MAST4: variants seen among roughly 807,000 people sequenced by gnomAD.
The protein encoded by MAST4 is microtubule associated serine/threonine kinase family member 4, also known as microtubule-associated serine/threonine-protein kinase 4.
Under a neutral mutation model 162.7 loss-of-function variants are expected in MAST4, and 89 were observed. That is an observed-to-expected ratio of 0.55 (90% CI 0.46 to 0.65). The LOEUF (loss-of-function observed/expected upper bound fraction) is 0.65. Among genes scored for constraint, MAST4 ranks in the 30% least tolerant of loss-of-function variants. MAST4 has a pLI of 0.00. For missense variants in MAST4, 3,153 were observed against 3,374.0 expected (o/e 0.93, Z 1.62); for synonymous variants, 1,479 against 1,361.1 (o/e 1.09, Z -1.91).
chr5:66,911,057 TTAA>T (rs1238136900), intron 4 of MAST4, among the ~76,000 whole-genome samples: 7 of 152,178 alleles, frequency 4.6e-5, no homozygotes, highest in African/African-American at 1.7e-4. Flanking sequence ...ATGTTTTCTT[TTAA>T]TAAGTTGTTT....
chr5:66,790,733 A>G (rs1409334100), intron 3 of MAST4, among the ~76,000 whole-genome samples: 2 of 152,044 alleles, frequency 1.3e-5, no homozygotes, highest in Admixed American at 6.5e-5. Flanking sequence ...AAAAGATACA[A>G]TTAACCTGAT....
At chr5:66,784,127 T>C (rs1755001882) in intron 2 of MAST4, among the ~76,000 whole-genome samples, 1 of 152,082 alleles carries the variant, frequency 6.6e-6, no homozygotes, top group African/African-American at 2.4e-5. Context: ...CCTGGCTCCT[T>C]GCTTTTCAAC....
chr5:66,899,902 C>A, intron 3 of MAST4, 49 bp from the exon 4 acceptor site: 2 of 1,428,740 alleles, frequency 1.4e-6, no homozygotes, highest in Non-Finnish European at 1.9e-6. Context: ...TCCTAGTAAT[C>A]TAAGGTTAAT....
intron 1 of MAST4, among the ~76,000 whole-genome samples, chr5:66,689,692 A>G (rs1580203678): frequency 6.6e-6 from 1 of 152,276 alleles, no homozygotes; most frequent in South Asian, 2.1e-4. Flanking sequence ...CTGTCCCCAG[A>G]GTTGATAAAT....
chr5:66,931,796 C>A (rs1742225764), intron 4 of MAST4, among the ~76,000 whole-genome samples: 2 of 152,034 alleles, frequency 1.3e-5, no homozygotes, highest in South Asian at 4.2e-4. Context: ...ATCCAGTTTC[C>A]CCAGCGCAGG....
At chr5:66,919,946 TTCCTTCCTTCCTTCCTTCCTTCCTTCC>T (rs879738524) in intron 4 of MAST4, among the ~76,000 whole-genome samples, 1,512 of 140,830 alleles carry the variant, frequency 0.011, 43 homozygotes, top group South Asian at 0.094. Flanking sequence ...CCTTCCTTCC[TTCCTTCCTTCCTTCCTTCCTTCCTTCC>T]TTCTTTCTCT....
At chr5:67,099,868 G>A (rs1764840934) in intron 7 of MAST4, among the ~76,000 whole-genome samples, 1 of 151,720 alleles carries the variant, frequency 6.6e-6, no homozygotes, top group South Asian at 2.1e-4. Flanking sequence ...CCAAAGAAAA[G>A]GAAGAAAGAA....
intron 5 of MAST4, among the ~76,000 whole-genome samples, chr5:67,063,701 T>G (rs1581405390): frequency 6.6e-6 from 1 of 152,310 alleles, no homozygotes; most frequent in East Asian, 1.9e-4. Flanking sequence ...CTGTTTAATT[T>G]TGCTTTTCAA....
At chr5:66,757,992 T>C (rs1284523255) in intron 1 of MAST4, among the ~76,000 whole-genome samples, 1 of 152,084 alleles carries the variant, frequency 6.6e-6, no homozygotes, top group Non-Finnish European at 1.5e-5. Context: ...AGGACACTGA[T>C]GTAATAAACA....
At chr5:66,898,035 T>A (rs1480937790) in intron 3 of MAST4, among the ~76,000 whole-genome samples, 2 of 152,250 alleles carry the variant, frequency 1.3e-5, no homozygotes. Context: ...TTTGTTGTTA[T>A]TAATGATAAC....
chr5:66,617,315 GC>G (rs2149402188), intron 1 of MAST4, among the ~76,000 whole-genome samples: 1 of 152,296 alleles, frequency 6.6e-6, no homozygotes, highest in African/African-American at 2.4e-5. Context: ...GTGCATTATG[GC>G]ATTTAATTCC....
At chr5:66,956,206 G>A (rs577389883) in intron 4 of MAST4, among the ~76,000 whole-genome samples, 14 of 151,990 alleles carry the variant, frequency 9.2e-5, no homozygotes, top group East Asian at 1.9e-4. Flanking sequence ...TCTGACTTTC[G>A]TATCTAGCTT....
At chr5:67,023,911 A>G (rs1008820931) in intron 4 of MAST4, among the ~76,000 whole-genome samples, 43 of 151,956 alleles carry the variant, frequency 2.8e-4, no homozygotes, top group African/African-American at 9.7e-4. Flanking sequence ...ATAGAAAAAA[A>G]TGTTTAATTG....
In MAST4 at chr5:66,596,624, C is replaced by A. The variant is rs752896762; in HGVS notation, c.-32C>A. On this transcript the variant is annotated 5_prime_UTR_variant, in exon 1 of 29. Transcript: ENST00000403625. ...CGCTGAGTGCGCGCCGCGCCCCCGC[C>A]GCTCGGGAGGCACTTTGGGCCAGAC... 1.4e-5 allele frequency: 20 copies of A among 1,399,670 alleles called. No homozygotes were observed. The highest frequency in any genetic ancestry group is 4.5e-5 in the African/African-American group (3 of 67,088). 86.7% of individuals were successfully genotyped at this position (1,399,670 alleles called of 1,614,324 possible).
At chr5:66,723,433 A>C (rs1173298322) in intron 1 of MAST4, among the ~76,000 whole-genome samples, 1 of 152,210 alleles carries the variant, frequency 6.6e-6, no homozygotes. Context: ...TCAGTGCTGT[A>C]GACTATAATT....
At chr5:67,153,121 G>T (rs1772045167) in intron 25 of MAST4, among the ~76,000 whole-genome samples, 1 of 152,170 alleles carries the variant, frequency 6.6e-6, no homozygotes, top group Admixed American at 6.5e-5. Flanking sequence ...CATAGTCAAA[G>T]GCAATCCTAT....
chr5:66,928,607 T>C (rs990546662), intron 4 of MAST4, among the ~76,000 whole-genome samples: 1 of 151,144 alleles, frequency 6.6e-6, no homozygotes, highest in African/African-American at 2.5e-5. Flanking sequence ...TGGGTAAACC[T>C]AGAAACCTCC....
chr5:66,830,009 G>C (rs1757496833), intron 3 of MAST4, among the ~76,000 whole-genome samples: 1 of 152,174 alleles, frequency 6.6e-6, no homozygotes, highest in Admixed American at 6.5e-5. Context: ...AGTGTGGTTA[G>C]TCACTGCTGT....
chr5:67,119,634 T>A (rs1392775042), intron 13 of MAST4, among the ~76,000 whole-genome samples: 1 of 152,194 alleles, frequency 6.6e-6, no homozygotes, highest in Non-Finnish European at 1.5e-5. Context: ...AAGTGCTAAA[T>A]AAATGATAGC....
Sources: gnomAD v4.1 joint callset for allele counts (sites outside exome capture counted in the v4.1 genomes callset) on GRCh38, gnomAD v4.1.1 for gene constraint, MANE v1.5 for transcripts, NCBI Gene and HGNC (gene_info 2026-07-23, HGNC 2026-07-21) for gene names.